COX7B2: variants seen among roughly 807,000 people sequenced by gnomAD.
COX7B2 encodes the protein cytochrome c oxidase subunit 7B2, mitochondrial.
For missense variants in COX7B2, 109 were observed against 95.9 expected, an observed-to-expected ratio of 1.14 and a Z score of -0.57; for synonymous variants, 37 against 32.1, an observed-to-expected ratio of 1.15 and a Z score of -0.51.
At chr4:46,779,999 A>G (rs1021033994) in intron 2 of COX7B2, among the ~76,000 whole-genome samples, 1 of 152,228 alleles carries the variant, frequency 6.6e-6, no homozygotes, top group Non-Finnish European at 1.5e-5. Flanking sequence ...CAACATGTTA[A>G]TTTGTGTGAC....
At chr4:46,748,008 T>C (rs1715126414) in intron 2 of COX7B2, among the ~76,000 whole-genome samples, 2 of 152,218 alleles carry the variant, frequency 1.3e-5, no homozygotes, top group South Asian at 2.1e-4. Context: ...ATTAACAGTA[T>C]CTAAAGTGGA....
chr4:46,899,075 T>C (rs573731255), intron 1 of COX7B2, among the ~76,000 whole-genome samples: 1 of 152,220 alleles, frequency 6.6e-6, no homozygotes, highest in Non-Finnish European at 1.5e-5. Context: ...ATTGTTGATA[T>C]GCTATCTTCT....
chr4:46,875,357 C>A (rs1008329829), intron 1 of COX7B2, among the ~76,000 whole-genome samples: 2 of 152,078 alleles, frequency 1.3e-5, no homozygotes, highest in African/African-American at 2.4e-5. Context: ...CCAGTTTTAA[C>A]CCTTTGCATT....
chr4:46,785,628 C>A (rs144296377), intron 2 of COX7B2, among the ~76,000 whole-genome samples: 56 of 152,272 alleles, frequency 3.7e-4, no homozygotes, highest in African/African-American at 1.3e-3. Flanking sequence ...ACGTGTAAAG[C>A]CTTTTTATGC....
intron 2 of COX7B2, among the ~76,000 whole-genome samples, chr4:46,790,011 A>G (rs1323141403): frequency 9.2e-5 from 14 of 152,094 alleles, no homozygotes; most frequent in Admixed American, 9.2e-4. Context: ...TGTTAAAAAA[A>G]AAAACAGCAA....
At chr4:46,747,742 C>T (rs1260499123) in intron 2 of COX7B2, among the ~76,000 whole-genome samples, 6 of 152,118 alleles carry the variant, frequency 3.9e-5, no homozygotes, top group African/African-American at 1.2e-4. Flanking sequence ...TTCCTAATGA[C>T]AGCATATATA....
intron 2 of COX7B2, among the ~76,000 whole-genome samples, chr4:46,764,793 A>C (rs983140778): frequency 2.0e-5 from 3 of 152,142 alleles, no homozygotes; most frequent in African/African-American, 7.2e-5. Context: ...AGTAACCACA[A>C]AGTAAATCTC....
At chr4:46,827,763 T>C (rs1714795683) in intron 2 of COX7B2, among the ~76,000 whole-genome samples, 1 of 152,150 alleles carries the variant, frequency 6.6e-6, no homozygotes, top group African/African-American at 2.4e-5. Context: ...TGTGAATGTG[T>C]GTGTGTCTAT....
rs186137272 is a variant in COX7B2, at chr4:46,798,635, G to A, written c.-50+46325C>T. On this transcript the variant is annotated intron_variant, in intron 2 of 2. Coordinates refer to ENST00000355591, the MANE Select transcript of COX7B2 (RefSeq NM_130902.3). ...GAAAAATAGCTCTTGGCCTGCTACT[G>A]GGCTTTAGTAGAGTCTGAATGTTTA... is the stretch of plus-strand genomic sequence containing the variant. 3.3e-5 allele frequency among the ~76,000 whole-genome samples: 5 copies of A among 152,242 alleles called. No homozygotes were observed. In the East Asian group the frequency reaches 9.7e-4, roughly 29 times the overall value.
At position 46,900,841 on chromosome 4, in the gene COX7B2, A is replaced by C. The variant is rs567065962; in HGVS notation, c.-105+8319T>G. 2.6e-5 allele frequency among the ~76,000 whole-genome samples: 4 copies of C among 152,316 alleles called. No individual in the cohort carries two copies. The East Asian group carries it at 7.7e-4, about 29-fold the overall frequency. ...CTGGCACCTAAGTCTTGGACTTCCCAGTCCCCAGAACTATGCGACATAAAT... is the reference window on the plus strand; with the variant it reads ...CTGGCACCTAAGTCTTGGACTTCCCCGTCCCCAGAACTATGCGACATAAAT... On this transcript the variant is annotated intron_variant, in intron 1 of 2. Transcript: ENST00000355591.
chr4:46,836,282 A>G (rs1410581198), intron 2 of COX7B2, among the ~76,000 whole-genome samples: 1 of 152,154 alleles, frequency 6.6e-6, no homozygotes, highest in African/African-American at 2.4e-5. Context: ...AGCTCAAAAC[A>G]CAAACACTGT....
intron 2 of COX7B2, 24 bp from the exon 3 acceptor site, chr4:46,735,265 A>C: frequency 1.3e-6 from 2 of 1,513,558 alleles, no homozygotes; most frequent in South Asian, 1.2e-5. Context: ...AAAGATATGC[A>C]TTGATGTCCA....
At chr4:46,813,685 C>T (rs1376488452) in intron 2 of COX7B2, among the ~76,000 whole-genome samples, 3 of 152,054 alleles carry the variant, frequency 2.0e-5, no homozygotes, top group Admixed American at 2.0e-4. Context: ...AACAAATCTG[C>T]ACATTCTGCA....
intron 1 of COX7B2, among the ~76,000 whole-genome samples, chr4:46,851,001 C>A (rs555290450): frequency 6.6e-6 from 1 of 151,956 alleles, no homozygotes; most frequent in East Asian, 1.9e-4. Context: ...ATACCAAGAA[C>A]ATGAAGCAGT....
intron 2 of COX7B2, among the ~76,000 whole-genome samples, chr4:46,736,717 C>A (rs1243183213): frequency 6.6e-6 from 1 of 152,086 alleles, no homozygotes; most frequent in African/African-American, 2.4e-5. Context: ...TACAGTATAC[C>A]TGTTCAGACT....
intron 2 of COX7B2, among the ~76,000 whole-genome samples, chr4:46,815,385 CATTT>C (rs549380391): frequency 1.0e-3 from 158 of 152,222 alleles, no homozygotes; most frequent in African/African-American, 3.6e-3. Context: ...ATGACAGTCA[CATTT>C]ATTATTATGG....
chr4:46,861,569 T>C (rs1315174300), intron 1 of COX7B2, among the ~76,000 whole-genome samples: 1 of 152,232 alleles, frequency 6.6e-6, no homozygotes, highest in Non-Finnish European at 1.5e-5. Flanking sequence ...TGCTCAGGTC[T>C]AGTACAAATT....
In COX7B2 at chr4:46,753,259, T is replaced by A. The variant is rs934060643; in HGVS notation, c.-49-18018A>T. On this transcript the variant is annotated intron_variant, in intron 2 of 2. Transcript: ENST00000355591. ...GTTTGTATTTCTGTGGGATCGGTGG[T>A]GATATCCCCTTTATCATTTTTTATT... Among the ~76,000 whole-genome samples, 28 of 152,288 alleles carry A rather than the reference T, an allele frequency of 1.8e-4. 1 individual carries two copies. Among genetic ancestry groups the A allele is most frequent in the African/African-American group, 6.0e-4 (25 of 41,558 alleles).
chr4:46,771,531 G>GCA (rs1342512680), intron 2 of COX7B2, among the ~76,000 whole-genome samples: 2 of 152,028 alleles, frequency 1.3e-5, no homozygotes, highest in Non-Finnish European at 2.9e-5. Flanking sequence ...TGGGACCAGA[G>GCA]GTGTTACAGA....
Sources: allele counts gnomAD v4.1 joint callset (sites outside exome capture counted in the v4.1 genomes callset), GRCh38; gene constraint gnomAD v4.1.1; transcripts MANE v1.5; gene names NCBI Gene and HGNC (gene_info 2026-07-23, HGNC 2026-07-21).